MARS1: variants seen among roughly 807,000 people sequenced by gnomAD.
The protein encoded by MARS1 is methionine--tRNA ligase, cytoplasmic.
Under a neutral mutation model 119.5 loss-of-function variants are expected in MARS1, and 80 were observed. The ratio of observed to expected loss-of-function variants is 0.67; its 90% confidence interval spans 0.56 to 0.81. The LOEUF is 0.81. Ranked by LOEUF, MARS1 falls within the 30% of genes least tolerant of loss-of-function variation. The pLI is 0.00. For synonymous variants in MARS1, 418 were observed against 433.4 expected, an observed-to-expected ratio of 0.96 and a Z score of 0.44; for missense variants, 945 against 1,116.5, an observed-to-expected ratio of 0.85 and a Z score of 2.19.
chr12:57,498,229 T>C lies in MARS1; in HGVS notation c.843T>C (p.Leu281=). 1 of 1,614,160 alleles carries C rather than the reference T, an allele frequency of 6.2e-7. No individual in the cohort carries two copies. The highest frequency in any genetic ancestry group is 1.3e-5 in the African/African-American group (1 of 75,022). Residue 281 remains leucine, a synonymous_variant, in exon 8 of 21, where the codon CTT becomes CTC. Coordinates refer to ENST00000262027, the MANE Select transcript of MARS1 (RefSeq NM_004990.4). ...ALPYVNNVPH[L]GNIIGCVLSA... is the part of the protein sequence containing the mutation. The stretch of plus-strand genomic sequence containing the variant: ...CTTACGTCAACAATGTCCCCCACCT[T>C]GGGAACATCATTGGTTGTGTGCTCA...
In MARS1 at chr12:57,511,864, A is replaced by G. The variant is rs567401794; in HGVS notation, c.1535A>G (p.Asp512Gly). Residue 512 changes from aspartate to glycine, a missense_variant, in exon 12 of 21, where the codon GAC becomes GGC. Transcript: ENST00000262027. ...GTPVPLEGFE[D>G]KVFYVWFDAT... is the part of the protein sequence containing the mutation. ...CCTGTACCCTTAGAAGGTTTTGAAGACAAGGTAAAAACCCTTTTTTATTCA... is the reference window on the plus strand; with the variant it reads ...CCTGTACCCTTAGAAGGTTTTGAAGGCAAGGTAAAAACCCTTTTTTATTCA... 1 of 1,613,916 alleles carries G rather than the reference A, an allele frequency of 6.2e-7. No homozygotes were observed. Among genetic ancestry groups the G allele is most frequent in the Admixed American group, 1.7e-5 (1 of 59,966 alleles).
At chr12:57,498,702 G>A in intron 9 of MARS1, 79 bp downstream of exon 9, 1 of 1,379,198 alleles carries the variant, frequency 7.3e-7, no homozygotes. Flanking sequence ...GAGACAGAAG[G>A]AACCCGGGTG....
At chr12:57,503,482 C>T (rs924645268) in intron 10 of MARS1, among the ~76,000 whole-genome samples, 4 of 152,020 alleles carry the variant, frequency 2.6e-5, no homozygotes, top group Non-Finnish European at 4.4e-5. Context: ...TTCCACCTGC[C>T]TCAGCCTCCC....
intron 15 of MARS1, among the ~76,000 whole-genome samples, chr12:57,514,075 TAA>T (rs1283189790): frequency 7.9e-6 from 1 of 126,320 alleles, no homozygotes. Context: ...AAAAAAAAAT[TAA>T]AAAAAAAAAA....
At chr12:57,514,517 A>G (rs1327852777) in intron 15 of MARS1, among the ~76,000 whole-genome samples, 2 of 152,280 alleles carry the variant, frequency 1.3e-5, no homozygotes, top group South Asian at 2.1e-4. Context: ...CAGGTTTCTT[A>G]TGTGCAGAGT....
intron 4 of MARS1, 166 bp downstream of exon 4, chr12:57,489,724 G>A (rs1226610885): frequency 9.0e-7 from 1 of 1,113,756 alleles, no homozygotes; most frequent in Non-Finnish European, 1.3e-6. Context: ...TTGTGAAATG[G>A]GATAATATTA....
rs1379814412 is a variant in MARS1, at chr12:57,489,324, A to G, written c.258A>G (p.Glu86=). Residue 86 remains glutamate, a synonymous_variant, in exon 3 of 21, where the codon GAA becomes GAG. Coordinates refer to ENST00000262027, the MANE Select transcript of MARS1 (RefSeq NM_004990.4). ...ATGACCTCACTAACCAGTGGCTGGA[A>G]TGGGAAGCGACAGAGCTGCAGGTAG... The part of the protein sequence containing the change: ...EQDDLTNQWL[E]WEATELQPAL... 2.6e-5 allele frequency: 42 copies of G among 1,613,908 alleles called. No individual in the cohort carries two copies. The highest frequency in any genetic ancestry group is 3.6e-5 in the Non-Finnish European group (42 of 1,180,048).
chr12:57,509,814 C>T (rs1565649427), intron 11 of MARS1, among the ~76,000 whole-genome samples: 1 of 152,312 alleles, frequency 6.6e-6, no homozygotes, highest in East Asian at 1.9e-4. Context: ...TATCTACCTT[C>T]TTCCACTGTA....
intron 11 of MARS1, among the ~76,000 whole-genome samples, chr12:57,510,422 G>C (rs1027641940): frequency 4.6e-5 from 7 of 151,632 alleles, no homozygotes; most frequent in Non-Finnish European, 2.9e-5. Flanking sequence ...GCAGTGAGCT[G>C]AGATCGTGCC....
chr12:57,490,366 C>T lies in MARS1; in HGVS notation c.650C>T (p.Thr217Ile), dbSNP rs759101321. The T allele has an allele frequency of 5.1e-5, 82 of 1,612,424 alleles. No homozygotes were observed. Among genetic ancestry groups the T allele is most frequent in the Middle Eastern group, 4.1e-4 (2 of 4,820 alleles). The part of the protein sequence containing the change: ...QPSPAEGRAV[T>I]NEPEEEELAT... ...AGCCCCGCTGAGGGAAGGGCTGTCA[C>T]CAATGAGCCTGAGGTTTGGAATAGG... Residue 217 changes from threonine to isoleucine, a missense_variant, in exon 6 of 21, where the codon ACC becomes ATC. Physicochemically the swap from Thr to Ile is moderately conservative, Grantham distance 89. Coordinates refer to ENST00000262027, the MANE Select transcript of MARS1 (RefSeq NM_004990.4).
At chr12:57,515,878 T>C (rs753297057) in intron 18 of MARS1, 42 bp from the exon 19 acceptor site, 1 of 1,483,064 alleles carries the variant, frequency 6.7e-7, no homozygotes, top group East Asian at 2.3e-5. Flanking sequence ...TGGTAGAGTC[T>C]GTATCCAATC....
At chr12:57,495,236 G>T (rs1244577567) in intron 7 of MARS1, among the ~76,000 whole-genome samples, 1 of 150,622 alleles carries the variant, frequency 6.6e-6, no homozygotes, top group Admixed American at 6.6e-5. Context: ...CCTTCCTCCC[G>T]GACGGGGCGG....
intron 11 of MARS1, among the ~76,000 whole-genome samples, chr12:57,508,072 G>A (rs542696940): frequency 6.6e-6 from 1 of 152,192 alleles, no homozygotes; most frequent in East Asian, 1.9e-4. Flanking sequence ...GGGCAGCCGG[G>A]CAGAGACACT....
In MARS1 at chr12:57,489,045, C is replaced by T. The variant is rs1875705743; in HGVS notation, c.136C>T (p.Pro46Ser). The change falls in exon 2 of 21, where the codon CCT becomes TCT. Residue 46 changes from proline to serine, a missense_variant. Physicochemically the swap from Pro to Ser is moderately conservative, Grantham distance 74. Coordinates refer to ENST00000262027, the MANE Select transcript of MARS1 (RefSeq NM_004990.4). ...TTGTGTGGTCCCGTTCCTGACCCGG[C>T]CTAAGGTCCCTGTCTTGCAGCTGGA... ...EDCVVPFLTR[P>S]KVPVLQLDSG... The T allele has an allele frequency of 1.2e-6, 2 of 1,613,890 alleles. No homozygotes were observed. Among genetic ancestry groups the T allele is most frequent in the African/African-American group, 1.3e-5 (1 of 74,858 alleles).
chr12:57,490,727 C>G, intron 7 of MARS1, 83 bp downstream of exon 7: 2 of 1,049,126 alleles, frequency 1.9e-6, no homozygotes, highest in Non-Finnish European at 2.9e-6. Flanking sequence ...TGCTAGGTCC[C>G]GTTTGCTGAT....
chr12:57,498,694 G>A, intron 9 of MARS1, 71 bp downstream of exon 9: 1 of 1,466,840 alleles, frequency 6.8e-7, no homozygotes, highest in East Asian at 2.3e-5. Flanking sequence ...GTATCTTGGA[G>A]ACAGAAGGAA....
At chr12:57,500,567 A>G in intron 10 of MARS1, 45 bp downstream of exon 10, 8 of 1,567,922 alleles carry the variant, frequency 5.1e-6, no homozygotes, top group Non-Finnish European at 7.0e-6. Flanking sequence ...GACAGTCCTT[A>G]TTCTTAAGGG....
intron 11 of MARS1, among the ~76,000 whole-genome samples, chr12:57,510,975 G>A (rs1364992913): frequency 6.6e-6 from 1 of 152,072 alleles, no homozygotes; most frequent in Non-Finnish European, 1.5e-5. Context: ...TCAGGAGGCT[G>A]AGGTGGAAGG....
At chr12:57,507,935 C>A in intron 11 of MARS1, among the ~76,000 whole-genome samples, 1 of 151,708 alleles carries the variant, frequency 6.6e-6, no homozygotes. Flanking sequence ...GGGCTCCTCA[C>A]TTCTCAGATG....
Sources: allele counts gnomAD v4.1 joint callset (sites outside exome capture counted in the v4.1 genomes callset), GRCh38; gene constraint gnomAD v4.1.1; transcripts MANE v1.5; gene names NCBI Gene and HGNC (gene_info 2026-07-23, HGNC 2026-07-21).